SH3TC1: variants seen among roughly 807,000 people sequenced by gnomAD.
The protein encoded by SH3TC1 is SH3 domain and tetratricopeptide repeats 1, also known as SH3 domain and tetratricopeptide repeat-containing protein 1.
Under a neutral mutation model 117.3 loss-of-function variants are expected in SH3TC1, and 135 were observed. That is an observed-to-expected ratio of 1.15 (90% confidence interval 1.00 to 1.33). The LOEUF (loss-of-function observed/expected upper bound fraction) is 1.33, where lower values mean the gene tolerates loss of function less well. Ranked by LOEUF, SH3TC1 falls within the 40% of genes most tolerant of loss-of-function variation. SH3TC1 has a pLI of 0.00. For missense variants in SH3TC1, 2,092 were observed against 1,794.3 expected (o/e 1.17, Z -3.00); for synonymous variants, 898 against 816.9 (o/e 1.10, Z -1.69).
chr4:8,189,327 C>A (rs1464349454), intron 1 of SH3TC1, among the ~76,000 whole-genome samples: 2 of 152,258 alleles, frequency 1.3e-5, no homozygotes, highest in African/African-American at 2.4e-5. Context: ...GTGGTGGTGA[C>A]AGATGATGGC....
intron 4 of SH3TC1, among the ~76,000 whole-genome samples, chr4:8,214,149 A>G (rs559362311): frequency 1.3e-5 from 2 of 152,126 alleles, no homozygotes; most frequent in East Asian, 3.9e-4. Flanking sequence ...GGACCAGCTT[A>G]GGTCGGGAGA....
At position 8,233,395 on chromosome 4, in the gene SH3TC1, G is replaced by C; in HGVS notation, c.3164G>C (p.Arg1055Pro). 1 of 1,613,620 alleles carries C rather than the reference G, an allele frequency of 6.2e-7. No individual in the cohort carries two copies. ...AYKSALDYTK[R>P]SLGIFIDLQK... is the part of the protein sequence containing the mutation. ...AAATCCGCACTGGACTACACCAAACGAAGTCTGGGGATTTTCATTGACCTC... is the reference window on the plus strand; with the variant it reads ...AAATCCGCACTGGACTACACCAAACCAAGTCTGGGGATTTTCATTGACCTC... Residue 1055 changes from arginine (R) to proline (P), a missense_variant, in exon 14 of 18, where the codon CGA becomes CCA. Physicochemically the swap from Arg to Pro is moderately radical, Grantham distance 103 (BLOSUM62 -2). Transcript: ENST00000245105.
At chr4:8,196,854 G>A (rs569341363), upstream of SH3TC1, among the ~76,000 whole-genome samples, 101 of 152,262 alleles carry the variant, frequency 6.6e-4, no homozygotes, top group African/African-American at 2.4e-3. This position sits in a 1 kb window ranked among gnomAD's most constrained non-coding sequence, Gnocchi z 4.6. Context: ...CAAGGAGGGG[G>A]CTGAGAGGAC....
At chr4:8,201,705 A>C (rs1236594855) in intron 1 of SH3TC1, 1 of 152,274 alleles carries the variant, frequency 6.6e-6, no homozygotes, top group African/African-American at 2.4e-5. Flanking sequence ...GCTTAGGGTT[A>C]TAACAGCAGG....
chr4:8,182,255 C>G (rs1717099990), intron 1 of SH3TC1: 1 of 152,248 alleles, frequency 6.6e-6, no homozygotes, highest in South Asian at 2.1e-4. Flanking sequence ...GGAAAGCCCT[C>G]CCTGCCGAGG....
Position 8,222,974 on chromosome 4 carries a change from C to G in SH3TC1, c.1243+4C>G. On this transcript the variant is annotated splice_donor_region_variant and intron_variant, in intron 10 of 17. Transcript: ENST00000245105. Reference sequence around the variant, plus strand: ...GTCTGCAGCGTGTACAGCCTGGGTGCGTGTGGGCGATGCCTGTGGTGGGGC... The same window carrying G: ...GTCTGCAGCGTGTACAGCCTGGGTGGGTGTGGGCGATGCCTGTGGTGGGGC... 6.2e-7 allele frequency: 1 copy of G among 1,607,346 alleles called. No homozygotes were observed. Among genetic ancestry groups the G allele is most frequent in the Middle Eastern group, 2.2e-4 (1 of 4,582 alleles).
chr4:8,224,920 C>A, intron 10 of SH3TC1: 1 of 495,384 alleles, frequency 2.0e-6, no homozygotes, highest in Admixed American at 3.5e-5. Flanking sequence ...TTCTCTGGCC[C>A]ATTGGCTGGT....
At position 8,227,544 on chromosome 4, in the gene SH3TC1, G is replaced by A. The variant is rs781248244; in HGVS notation, c.1850G>A (p.Arg617Gln). ...AGCATTTACCGGAAGCAGAAGAACC[G>A]GGAGAAGTGTGCACAGGTGGTGCCC... Reference protein sequence around the residue: ...LASIYRKQKNREKCAQVVPKA... With the variant: ...LASIYRKQKNQEKCAQVVPKA... The change falls in exon 12 of 18, where the codon CGG becomes CAG. Residue 617 changes from arginine to glutamine, a missense_variant. Coordinates refer to ENST00000245105, the MANE Select transcript of SH3TC1 (RefSeq NM_018986.5). 7.3e-5 allele frequency: 111 copies of A among 1,530,774 alleles called. No homozygotes were observed. Among genetic ancestry groups the A allele is most frequent in the Middle Eastern group, 1.8e-4 (1 of 5,634 alleles). 94.8% of individuals were successfully genotyped at this position (1,530,774 alleles called of 1,614,324 possible).
upstream of SH3TC1, among the ~76,000 whole-genome samples, chr4:8,197,977 G>T (rs1033035088): frequency 1.3e-5 from 2 of 152,102 alleles, no homozygotes; most frequent in Non-Finnish European, 2.9e-5. Context: ...TCAGCCTGGG[G>T]TGACTTCACC....
At chr4:8,232,441 A>T (rs1721323555) in intron 13 of SH3TC1, 1 of 1,520,884 alleles carries the variant, frequency 6.6e-7, no homozygotes, top group South Asian at 1.1e-5. Context: ...AGTTACATGC[A>T]TTCTGGGCTG....
rs1718104187 is a variant in SH3TC1 at position 8,205,256 on chromosome 4, G to A, written c.62G>A (p.Gly21Glu). 1 of 1,550,558 alleles carries A rather than the reference G, an allele frequency of 6.4e-7. No homozygotes were observed. Among genetic ancestry groups the A allele is most frequent in the Non-Finnish European group, 8.7e-7 (1 of 1,147,148 alleles). The change falls in exon 2 of 18, where the codon GGA becomes GAA. Residue 21 changes from glycine to glutamate, a missense_variant. Gly to Glu is a moderately conservative substitution (Grantham distance 98). Transcript: ENST00000245105. The surrounding 1 kb of genome is among the most constrained non-coding windows in gnomAD (Gnocchi z 5.4). Reference sequence around the variant, plus strand: ...ACCCCCATGGGGAGGGGTCCTGTGGGACCCTCAGGAGGTGGCAGCACCCGG... The same window carrying A: ...ACCCCCATGGGGAGGGGTCCTGTGGAACCCTCAGGAGGTGGCAGCACCCGG... ...EPTPMGRGPV[G>E]PSGGGSTRDQ...
At chr4:8,200,455 A>C (rs2152976474) in intron 1 of SH3TC1, among the ~76,000 whole-genome samples, 1 of 152,324 alleles carries the variant, frequency 6.6e-6, no homozygotes, top group East Asian at 1.9e-4. Context: ...AGGTGAGCCG[A>C]GGATGCTGTG....
Position 8,209,283 on chromosome 4 carries a change from A to ATC in SH3TC1, c.173-464_173-463dup, listed in dbSNP as rs1363661611. The stretch of plus-strand genomic sequence containing the variant: ...GATGCTCCAGTGGGCCCTCCATGGA[A>ATC]TCACAGGGCTTTTGTAGGAGGAAGG... On this transcript the variant is annotated intron_variant, in intron 2 of 17. Transcript: ENST00000245105. This position sits in a 1 kb window ranked among gnomAD's most constrained non-coding sequence, Gnocchi z 5.9. Among the ~76,000 whole-genome samples the ATC allele has an allele frequency of 1.3e-5, 2 of 152,192 alleles. No homozygotes were observed. The highest frequency in any genetic ancestry group is 1.3e-4 in the Admixed American group (2 of 15,288).
intron 1 of SH3TC1, among the ~76,000 whole-genome samples, chr4:8,202,988 G>T (rs1001954849): frequency 6.6e-6 from 1 of 152,202 alleles, no homozygotes. Flanking sequence ...AGTTCTCAGG[G>T]TGACAGCCAC....
rs1720730329 is a variant in SH3TC1 at position 8,228,137 on chromosome 4, G to A, written c.2443G>A (p.Ala815Thr). The part of the protein sequence containing the change: ...AITFMTQAVE[A>T]SAIAGVRAIV... ...CACCTTCATGACGCAGGCAGTGGAAGCCAGTGCTATTGCCGGAGTCCGTGC... is the reference window on the plus strand; with the variant it reads ...CACCTTCATGACGCAGGCAGTGGAAACCAGTGCTATTGCCGGAGTCCGTGC... The change falls in exon 12 of 18, where the codon GCC (alanine) becomes ACC (threonine). Residue 815 changes from alanine to threonine, a missense_variant. Coordinates refer to ENST00000245105, the MANE Select transcript of SH3TC1 (RefSeq NM_018986.5). 4 of 1,612,396 alleles carry A rather than the reference G, an allele frequency of 2.5e-6. No individual in the cohort carries two copies. Among genetic ancestry groups the A allele is most frequent in the Non-Finnish European group, 3.4e-6 (4 of 1,179,556 alleles).
chr4:8,227,815 A>G lies in SH3TC1; in HGVS notation c.2121A>G (p.Ser707=). ...DSGAPEAAWL[S]DCYLLLADIY... ...GAGCCCCAGAGGCCGCGTGGCTCTC[A>G]GACTGCTACCTACTCCTGGCTGACA... Residue 707 remains serine, a synonymous_variant, in exon 12 of 18, where the codon TCA becomes TCG. Transcript: ENST00000245105. 5 of 1,612,794 alleles carry G rather than the reference A, an allele frequency of 3.1e-6. No homozygotes were observed. The highest frequency in any genetic ancestry group is 4.2e-6 in the Non-Finnish European group (5 of 1,179,978).
chr4:8,183,811 T>G lies in SH3TC1; in HGVS notation c.-57+1601T>G, dbSNP rs1717149039. Among the ~76,000 whole-genome samples the G allele has an allele frequency of 6.6e-6, 1 of 152,140 alleles. No homozygotes were observed. The highest frequency in any genetic ancestry group is 1.5e-5 in the Non-Finnish European group (1 of 68,026). ...CACCTGACTCAGATTTCCTTCGTCTTTACCTAACGCCTTCGCCTGCCCCGG... is the reference window on the plus strand; with the variant it reads ...CACCTGACTCAGATTTCCTTCGTCTGTACCTAACGCCTTCGCCTGCCCCGG... On this transcript the variant is annotated intron_variant, in intron 1 of 16. Transcript: ENST00000508641. This position sits in a 1 kb window ranked among gnomAD's most constrained non-coding sequence, Gnocchi z 5.4.
chr4:8,214,851 A>AT (rs947870672), intron 5 of SH3TC1, among the ~76,000 whole-genome samples: 7 of 152,028 alleles, frequency 4.6e-5, no homozygotes, highest in African/African-American at 1.4e-4. Context: ...GCCCAGCTAA[A>AT]TTTTTTGTAT....
rs1235880492 is a variant in SH3TC1, at chr4:8,210,375, G to A, written c.247+553G>A. Among the ~76,000 whole-genome samples the A allele has an allele frequency of 6.6e-6, 1 of 152,278 alleles. No homozygotes were observed. Among genetic ancestry groups the A allele is most frequent in the African/African-American group, 2.4e-5 (1 of 41,478 alleles). ...CCATTGCTGGCTTTGCCCCTTGGCGGTGATGCCCGACTGTCCTTTGACTTT... is the reference window on the plus strand; with the variant it reads ...CCATTGCTGGCTTTGCCCCTTGGCGATGATGCCCGACTGTCCTTTGACTTT... On this transcript the variant is annotated intron_variant, in intron 3 of 17. Coordinates refer to ENST00000245105, the MANE Select transcript of SH3TC1 (RefSeq NM_018986.5). This position sits in a 1 kb window ranked among gnomAD's most constrained non-coding sequence, Gnocchi z 4.1.
Sources: allele counts gnomAD v4.1 joint callset (sites outside exome capture counted in the v4.1 genomes callset), GRCh38; gene constraint gnomAD v4.1.1; non-coding constraint Gnocchi (gnomAD v3.1); transcripts MANE v1.5; gene names NCBI Gene and HGNC (gene_info 2026-07-23, HGNC 2026-07-21).